Variants in OGFOD1 observed in about 807,000 individuals in gnomAD.
OGFOD1 encodes prolyl 3-hydroxylase OGFOD1.
Under a neutral mutation model 67.7 loss-of-function variants are expected in OGFOD1, and 54 were observed. The observed-to-expected ratio is 0.80, with a 90% confidence interval of 0.64 to 1.00. The LOEUF is 1.00. OGFOD1 is among the 50% of genes least tolerant of loss of function. OGFOD1 has a pLI of 0.00. For missense variants in OGFOD1, 606 were observed against 646.7 expected (o/e 0.94, Z 0.68); for synonymous variants, 221 against 227.0 (o/e 0.97, Z 0.24).
chr16:56,467,840 T>C (rs1339071258), intron 7 of OGFOD1, 65 bp from the exon 8 acceptor site: 1 of 806,488 alleles, frequency 1.2e-6, no homozygotes, highest in Non-Finnish European at 2.2e-6. Flanking sequence ...TAGTGTGAAA[T>C]GATGTAAGAG....
intron 10 of OGFOD1, among the ~76,000 whole-genome samples, chr16:56,474,547 C>T (rs953604059): frequency 6.6e-6 from 1 of 151,586 alleles, no homozygotes; most frequent in South Asian, 2.1e-4. Flanking sequence ...CTTGAACTCC[C>T]GACCTCAGGT....
chr16:56,459,547 T>C (rs1962642256), intron 3 of OGFOD1, among the ~76,000 whole-genome samples: 1 of 152,248 alleles, frequency 6.6e-6, no homozygotes, highest in African/African-American at 2.4e-5. Context: ...GACACATGAA[T>C]GTGGTAGTTA....
chr16:56,454,876 T>G (rs971340820), intron 2 of OGFOD1: 1 of 346,886 alleles, frequency 2.9e-6, no homozygotes, highest in Admixed American at 4.2e-5. Context: ...ATGAAAGATA[T>G]GACTCTTAAT....
chr16:56,475,436 A>G, intron 11 of OGFOD1, 71 bp from the exon 12 acceptor site: 1 of 1,355,576 alleles, frequency 7.4e-7, no homozygotes, highest in Non-Finnish European at 1.1e-6. Flanking sequence ...GCATGGGATC[A>G]GTGATTTAAG....
chr16:56,470,482 T>C lies in OGFOD1; in HGVS notation c.981-5T>C. 1 of 1,593,822 alleles carries C rather than the reference T, an allele frequency of 6.3e-7. No individual in the cohort carries two copies. The highest frequency in any genetic ancestry group is 1.4e-5 in the African/African-American group (1 of 73,938). On this transcript the variant is annotated splice_region_variant and splice_polypyrimidine_tract_variant and intron_variant, in intron 9 of 12. Transcript: ENST00000566157. ...GATGAACAACTTGACATTGCTGTTT[T>C]TCAGGTTTTATGAGAAAGCTGAGGA...
chr16:56,479,084 CT>C lies in OGFOD1; in HGVS notation c.*2880del, dbSNP rs1399987688. On this transcript the variant is annotated 3_prime_UTR_variant, in exon 13 of 13. Transcript: ENST00000566157. ...TTTTTATACCTCTTTCAGATAAAAG[CT>C]ATGATGTTCACCTGTAAAATATATG... is the stretch of plus-strand genomic sequence containing the variant. The C allele has an allele frequency of 8.5e-5, 13 of 152,196 alleles. No homozygotes were observed. Among genetic ancestry groups the C allele is most frequent in the African/African-American group, 2.9e-4 (12 of 41,434 alleles). 9.4% of individuals were successfully genotyped at this position (152,196 alleles called of 1,614,324 possible). A position where few individuals can be genotyped will look rare whatever the true frequency, so the allele number is the denominator to read the frequency against.
At chr16:56,462,023 G>A (rs1212037889) in intron 3 of OGFOD1, among the ~76,000 whole-genome samples, 1 of 151,828 alleles carries the variant, frequency 6.6e-6, no homozygotes, top group Non-Finnish European at 1.5e-5. Flanking sequence ...AACCCAGGAG[G>A]CAGAGGTTGC....
At chr16:56,473,648 C>A (rs1320359713) in intron 10 of OGFOD1, among the ~76,000 whole-genome samples, 2 of 151,882 alleles carry the variant, frequency 1.3e-5, no homozygotes, top group Non-Finnish European at 2.9e-5. Context: ...AAATGGCATT[C>A]GCCTATCATT....
intron 10 of OGFOD1, among the ~76,000 whole-genome samples, chr16:56,474,428 C>T (rs189278328): frequency 1.3e-5 from 2 of 151,208 alleles, no homozygotes; most frequent in Admixed American, 1.3e-4. Flanking sequence ...TCAAGCAACT[C>T]TCCTGCCTTA....
chr16:56,476,434 A>C lies in OGFOD1; in HGVS notation c.*229A>C, dbSNP rs1173370663. ...AAAAAAAGTTGGCTTTTTTTTTTTT[A>C]ACATTTAGTCCTTTTTCCATATTGG... is the stretch of plus-strand genomic sequence containing the variant. On this transcript the variant is annotated 3_prime_UTR_variant, in exon 13 of 13. Coordinates refer to ENST00000566157, the MANE Select transcript of OGFOD1 (RefSeq NM_018233.4). 2.9e-6 allele frequency: 1 copy of C among 340,488 alleles called. No homozygotes were observed. Among genetic ancestry groups the C allele is most frequent in the East Asian group, 4.7e-5 (1 of 21,408 alleles). The allele number at this position is 340,488 out of a possible 1,614,324, so 21.1% of individuals were successfully genotyped here.
intron 10 of OGFOD1, among the ~76,000 whole-genome samples, chr16:56,471,515 T>C (rs1237234265): frequency 6.6e-6 from 1 of 152,196 alleles, no homozygotes; most frequent in African/African-American, 2.4e-5. Context: ...ATTGGCACCA[T>C]TAAAAAGTAG....
At chr16:56,475,435 C>T in intron 11 of OGFOD1, 72 bp from the exon 12 acceptor site, 1 of 1,346,200 alleles carries the variant, frequency 7.4e-7, no homozygotes, top group Non-Finnish European at 1.1e-6. Context: ...AGCATGGGAT[C>T]AGTGATTTAA....
intron 5 of OGFOD1, among the ~76,000 whole-genome samples, chr16:56,466,542 G>A (rs1490376177): frequency 6.6e-6 from 1 of 152,176 alleles, no homozygotes; most frequent in Non-Finnish European, 1.5e-5. Flanking sequence ...TGGAAGGGTG[G>A]AGTGCATATA....
chr16:56,459,654 AT>A (rs1962645205), intron 3 of OGFOD1, among the ~76,000 whole-genome samples: 1 of 152,082 alleles, frequency 6.6e-6, no homozygotes, highest in East Asian at 1.9e-4. Flanking sequence ...AATTGACAGC[AT>A]TTTTTCCTTA....
At chr16:56,474,667 A>T (rs1323777388) in intron 10 of OGFOD1, among the ~76,000 whole-genome samples, 161 bp from the exon 11 acceptor site, 2 of 152,160 alleles carry the variant, frequency 1.3e-5, no homozygotes, top group African/African-American at 4.8e-5. Flanking sequence ...ATTCCTAACA[A>T]TCTTTTATAA....
rs1264330254 is a variant in OGFOD1 at position 56,467,409 on chromosome 16, ACTTTT to A, written c.786+122_786+126del. ...CTGGACCTTGAGCTTGCCCCTTTCC[ACTTTT>A]CTTTTTTTTTTCTTCCTTTTTTTTT... On this transcript the variant is annotated intron_variant, in intron 7 of 12. Transcript: ENST00000566157. 1.5e-5 allele frequency: 17 copies of A among 1,098,572 alleles called. No individual in the cohort carries two copies. The Admixed American group carries it at 2.3e-4, about 15-fold the overall frequency. The allele number at this position is 1,098,572 out of a possible 1,614,324, so 68.1% of individuals were successfully genotyped here. A position where few individuals can be genotyped will look rare whatever the true frequency, so the allele number is the denominator to read the frequency against.
At chr16:56,469,848 C>G (rs1380871601) in intron 8 of OGFOD1, among the ~76,000 whole-genome samples, 155 bp from the exon 9 acceptor site, 2 of 86,946 alleles carry the variant, frequency 2.3e-5, no homozygotes, top group East Asian at 3.2e-4. Context: ...GAAACTCCAT[C>G]TCAAAAAAAA....
chr16:56,459,814 G>A (rs1962650454), intron 3 of OGFOD1, among the ~76,000 whole-genome samples: 1 of 152,154 alleles, frequency 6.6e-6, no homozygotes, highest in South Asian at 2.1e-4. Flanking sequence ...ACATTTGGAT[G>A]TCTGTGTGTA....
At chr16:56,465,265 G>A (rs890145764) in intron 4 of OGFOD1, among the ~76,000 whole-genome samples, 3 of 152,116 alleles carry the variant, frequency 2.0e-5, no homozygotes, top group Non-Finnish European at 4.4e-5. Context: ...CTCCCAAAGT[G>A]CTGGGATTAC....
Sources: gnomAD v4.1 joint callset for allele counts (sites outside exome capture counted in the v4.1 genomes callset) on GRCh38, gnomAD v4.1.1 for gene constraint, MANE v1.5 for transcripts, NCBI Gene and HGNC (gene_info 2026-07-23, HGNC 2026-07-21) for gene names.